The following LYST variants were observed in gnomAD, a reference collection of about 807,000 sequenced individuals.
LYST encodes the protein lysosomal-trafficking regulator.
In LYST, 192 loss-of-function variants were observed where a neutral mutation model predicts 413.6. The ratio of observed to expected loss-of-function variants is 0.46; its 90% CI spans 0.41 to 0.52. The LOEUF (loss-of-function observed/expected upper bound fraction) is 0.52. Ranked by LOEUF, LYST falls within the 20% of genes least tolerant of loss-of-function variation. The pLI is 0.00. For synonymous variants in LYST, 1,525 were observed against 1,567.3 expected (o/e 0.97, Z 0.64); for missense variants, 3,815 against 4,499.9 (o/e 0.85, Z 4.35).
rs1363167657 is a variant in LYST at position 235,661,830 on chromosome 1, G to A, written c.*1110C>T. Reference sequence around the variant, plus strand: ...AGACAGCCATCATATGGGAGAGACAGACGGCTCCAAGATGTTTAGGAATTC... The same window carrying A: ...AGACAGCCATCATATGGGAGAGACAAACGGCTCCAAGATGTTTAGGAATTC... On this transcript the variant is annotated 3_prime_UTR_variant, in exon 53 of 53. Coordinates refer to ENST00000389793, the MANE Select transcript of LYST (RefSeq NM_000081.4). 2 of 152,644 alleles carry A rather than the reference G, an allele frequency of 1.3e-5. No homozygotes were observed. Among genetic ancestry groups the A allele is most frequent in the African/African-American group, 2.4e-5 (1 of 41,444 alleles). The allele number at this position is 152,644 out of a possible 1,614,324, so 9.5% of individuals were successfully genotyped here. A position where few individuals can be genotyped will look rare whatever the true frequency, so the allele number is the denominator to read the frequency against.
At chr1:235,843,362 G>A (rs1677435324) in intron 1 of LYST, among the ~76,000 whole-genome samples, 1 of 152,112 alleles carries the variant, frequency 6.6e-6, no homozygotes, top group East Asian at 1.9e-4. Context: ...TAGGCATCAT[G>A]ACAGTAGTGA....
chr1:235,823,911 G>A (rs1675053718), intron 3 of LYST, among the ~76,000 whole-genome samples: 1 of 152,164 alleles, frequency 6.6e-6, no homozygotes, highest in Non-Finnish European at 1.5e-5. Context: ...AAAGACAGTC[G>A]CTGTCCTTTC....
chr1:235,779,030 C>T (rs1669597286), intron 16 of LYST, among the ~76,000 whole-genome samples: 1 of 151,770 alleles, frequency 6.6e-6, no homozygotes, highest in African/African-American at 2.4e-5. Flanking sequence ...CCATGCCTGG[C>T]TAGTTTTTGT....
chr1:235,710,365 C>T (rs1662310036), intron 43 of LYST, among the ~76,000 whole-genome samples: 1 of 152,130 alleles, frequency 6.6e-6, no homozygotes, highest in Non-Finnish European at 1.5e-5. Context: ...ATGTGTGTGG[C>T]TTCAGGAGCG....
intron 1 of LYST, among the ~76,000 whole-genome samples, chr1:235,878,936 A>G (rs903924621): frequency 6.6e-6 from 1 of 152,084 alleles, no homozygotes; most frequent in Non-Finnish European, 1.5e-5. Flanking sequence ...TATTACATGG[A>G]TATATTGAGT....
chr1:235,795,643 C>T (rs1347668251), intron 10 of LYST, among the ~76,000 whole-genome samples: 2 of 152,146 alleles, frequency 1.3e-5, no homozygotes, highest in African/African-American at 4.8e-5. Flanking sequence ...CATCCAATGG[C>T]ACATTCACAC....
rs76980708 is a variant in LYST at position 235,761,784 on chromosome 1, A to C, written c.6253+936T>G. On this transcript the variant is annotated intron_variant, in intron 22 of 52. Transcript: ENST00000389793. Reference sequence around the variant, plus strand: ...GTGATTAAAAAAAAAACAAAAAAAAACCAGAAAGATGGGAGGCTGTCAATT... The same window carrying C: ...GTGATTAAAAAAAAAACAAAAAAAACCCAGAAAGATGGGAGGCTGTCAATT... Among the ~76,000 whole-genome samples, 519 of 151,508 alleles carry C rather than the reference A, an allele frequency of 3.4e-3. 2 individuals are homozygous for C. Among genetic ancestry groups the C allele is most frequent in the African/African-American group, 9.5e-3 (391 of 41,218 alleles).
intron 24 of LYST, 94 bp downstream of exon 24, chr1:235,757,187 T>C: frequency 5.4e-6 from 4 of 746,384 alleles, no homozygotes; most frequent in South Asian, 2.1e-5. Flanking sequence ...AAAAGAGAGA[T>C]TTAGGTCTAC....
intron 3 of LYST, among the ~76,000 whole-genome samples, chr1:235,819,994 T>C (rs1449304135): frequency 6.6e-6 from 1 of 152,222 alleles, no homozygotes; most frequent in Non-Finnish European, 1.5e-5. Flanking sequence ...ATAACTGTGT[T>C]ACACCTTTAT....
At position 235,781,964 on chromosome 1, in the gene LYST, A is replaced by G. The variant is rs745327572; in HGVS notation, c.4986T>C (p.Ala1662=). Residue 1662 remains alanine (A), a synonymous_variant, in exon 15 of 53, where the codon GCT becomes GCC. Transcript: ENST00000389793. The part of the protein sequence containing the change: ...LSSQEEFLQL[A]GKWDLGNLLL... ...GCAAATTTCCCAGGTCCCATTTTCC[A>G]GCCAACTGCAAAAACTCTTCTTGGG... 6.2e-7 allele frequency: 1 copy of G among 1,613,836 alleles called. No homozygotes were observed. The highest frequency in any genetic ancestry group is 1.7e-5 in the Admixed American group (1 of 60,022).
At chr1:235,857,694 T>C (rs567898467) in intron 1 of LYST, among the ~76,000 whole-genome samples, 1 of 148,578 alleles carries the variant, frequency 6.7e-6, no homozygotes, top group African/African-American at 2.5e-5. Context: ...TGCACACAGG[T>C]GTATATATAT....
At chr1:235,777,010 A>G (rs1028389182) in intron 17 of LYST, 53 bp downstream of exon 17, 5 of 1,523,508 alleles carry the variant, frequency 3.3e-6, no homozygotes, top group Non-Finnish European at 4.5e-6. Flanking sequence ...TTAATTTATC[A>G]ATAATAAGTA....
intron 46 of LYST, among the ~76,000 whole-genome samples, chr1:235,696,282 G>T (rs13374219): frequency 0.024 from 3,699 of 152,296 alleles, 143 homozygotes; most frequent in African/African-American, 0.084. Context: ...ATTGCAGGTT[G>T]GGTGGAAGGC....
intron 1 of LYST, among the ~76,000 whole-genome samples, chr1:235,848,384 G>A (rs915424045): frequency 1.3e-5 from 2 of 152,066 alleles, no homozygotes; most frequent in South Asian, 2.1e-4. Context: ...AGCAAGGGTG[G>A]TGCTAAGAGG....
intron 1 of LYST, among the ~76,000 whole-genome samples, chr1:235,882,319 TG>T (rs969184560): frequency 1.3e-5 from 2 of 152,220 alleles, no homozygotes; most frequent in African/African-American, 2.4e-5. Flanking sequence ...ATGACAGTCC[TG>T]GACTCTTGCA....
chr1:235,715,701 T>G (rs543525209), intron 41 of LYST, among the ~76,000 whole-genome samples: 24 of 152,328 alleles, frequency 1.6e-4, no homozygotes, highest in African/African-American at 5.8e-4. Flanking sequence ...GAGGTGCTTC[T>G]GTCACTAGAG....
Position 235,791,981 on chromosome 1 carries a change from T to TA in LYST, c.4260dup (p.Lys1421Ter). 6.2e-7 allele frequency: 1 copy of TA among 1,614,150 alleles called. No individual in the cohort carries two copies. Among genetic ancestry groups the TA allele is most frequent in the Non-Finnish European group, 8.5e-7 (1 of 1,180,004 alleles). ...GCTCTTCTCAATAAACCCATGGCCTTACTGTTTAAAATCCCAGGATACTTT... is the reference window on the plus strand; with the variant it reads ...GCTCTTCTCAATAAACCCATGGCCTTAACTGTTTAAAATCCCAGGATACTTT... On this transcript the variant is annotated frameshift_variant, in exon 12 of 53. Transcript: ENST00000389793. LOFTEE classifies it high-confidence loss of function.
Position 235,748,573 on chromosome 1 carries a change from T to G in LYST, c.7781-2046A>C, listed in dbSNP as rs148976681. Among the ~76,000 whole-genome samples, 461 of 152,168 alleles carry G rather than the reference T, an allele frequency of 3.0e-3. 2 individuals are homozygous for G. The highest frequency in any genetic ancestry group is 0.01 in the African/African-American group (421 of 41,528). On this transcript the variant is annotated intron_variant, in intron 28 of 52. Coordinates refer to ENST00000389793, the MANE Select transcript of LYST (RefSeq NM_000081.4). ...AGAGCATGATACCATTTAGGTAAAA[T>G]TACATATAAAGATATGTATAGATAT... is the stretch of plus-strand genomic sequence containing the variant.
intron 1 of LYST, among the ~76,000 whole-genome samples, chr1:235,860,429 T>C (rs147999076): frequency 1.3e-5 from 2 of 152,206 alleles, no homozygotes; most frequent in Admixed American, 1.3e-4. Context: ...AAATGTATAA[T>C]AACATGTAGC....
Sources: gnomAD v4.1 joint callset for allele counts (sites outside exome capture counted in the v4.1 genomes callset) on GRCh38, gnomAD v4.1.1 for gene constraint, MANE v1.5 for transcripts, NCBI Gene and HGNC (gene_info 2026-07-23, HGNC 2026-07-21) for gene names.